The following INPP5A variants were observed in gnomAD, a reference collection of about 807,000 sequenced individuals.
The protein encoded by INPP5A is 43 kDa inositol polyphosphate 5-phophatase.
In INPP5A, 14 loss-of-function variants were observed where a neutral mutation model predicts 65.2. The ratio of observed to expected loss-of-function variants is 0.21; its 90% confidence interval spans 0.14 to 0.34. The LOEUF is 0.34. INPP5A is among the 10% of genes least tolerant of loss of function. The pLI is 1.00. For missense variants in INPP5A, 431 were observed against 545.6 expected (o/e 0.79, Z 2.09); for synonymous variants, 207 against 208.3 (o/e 0.99, Z 0.05).
chr10:132,541,712 G>A (rs1385645191), intron 1 of INPP5A, among the ~76,000 whole-genome samples: 1 of 152,246 alleles, frequency 6.6e-6, no homozygotes, highest in East Asian at 1.9e-4. Flanking sequence ...AGGAGACAGT[G>A]AGAATGGAAA....
At chr10:132,720,242 C>T (rs1403472558) in intron 8 of INPP5A, among the ~76,000 whole-genome samples, 1 of 150,284 alleles carries the variant, frequency 6.7e-6, no homozygotes, top group African/African-American at 2.5e-5. Context: ...CCTTAGACGG[C>T]TGTCTTGCGG....
chr10:132,672,452 CATG>C (rs1261205033), intron 4 of INPP5A, among the ~76,000 whole-genome samples: 1 of 152,132 alleles, frequency 6.6e-6, no homozygotes, highest in Non-Finnish European at 1.5e-5. Flanking sequence ...ATGGTGTTCT[CATG>C]GTGGTGGGTG....
chr10:132,625,656 C>G (rs983803087), intron 2 of INPP5A, among the ~76,000 whole-genome samples: 2 of 152,164 alleles, frequency 1.3e-5, no homozygotes, highest in African/African-American at 4.8e-5. Flanking sequence ...CTGGCCAGTC[C>G]TGAGGCTTCC....
intron 1 of INPP5A, among the ~76,000 whole-genome samples, chr10:132,553,088 G>C: frequency 7.1e-6 from 1 of 141,316 alleles, no homozygotes; most frequent in Non-Finnish European, 1.5e-5. Context: ...AGGGAGGGAG[G>C]ACTGGTGAAC....
Position 132,697,745 on chromosome 10 carries a change from G to C in INPP5A, c.371-71G>C. ...ATCGGGCTGAAGTCGGGTGGAAACA[G>C]GTTGTGCTCCAGGCTGGTTGGATGG... On this transcript the variant is annotated intron_variant, in intron 5 of 15. Transcript: ENST00000368594. This position sits in a 1 kb window ranked among gnomAD's most constrained non-coding sequence, Gnocchi z 5.6. 1 of 1,078,680 alleles carries C rather than the reference G, an allele frequency of 9.3e-7. No individual in the cohort carries two copies. Among genetic ancestry groups the C allele is most frequent in the East Asian group, 2.5e-5 (1 of 40,320 alleles). 66.8% of individuals were successfully genotyped at this position (1,078,680 alleles called of 1,614,324 possible).
At chr10:132,778,302 ATT>A (rs57172206) in intron 13 of INPP5A, among the ~76,000 whole-genome samples, 53 of 72,960 alleles carry the variant, frequency 7.3e-4, no homozygotes, top group African/African-American at 2.1e-3. Context: ...TTTAATAATA[ATT>A]TTTTTTTTTT....
chr10:132,659,473 G>T lies in INPP5A; in HGVS notation c.306+8968G>T, dbSNP rs552299568. Among the ~76,000 whole-genome samples, 2 of 152,190 alleles carry T rather than the reference G, an allele frequency of 1.3e-5. No homozygotes were observed. Among genetic ancestry groups the T allele is most frequent in the African/African-American group, 4.8e-5 (2 of 41,438 alleles). ...CATCCACGGACGCGGGTCTGGAGGC[G>T]CTGCTGTCTAAGCTGAGGCTTTTGA... is the stretch of plus-strand genomic sequence containing the variant. On this transcript the variant is annotated intron_variant, in intron 4 of 15. Transcript: ENST00000368594. This position sits in a 1 kb window ranked among gnomAD's most constrained non-coding sequence, Gnocchi z 5.5.
intron 4 of INPP5A, among the ~76,000 whole-genome samples, chr10:132,680,766 G>A (rs2073032078): frequency 6.6e-6 from 1 of 152,254 alleles, no homozygotes; most frequent in Non-Finnish European, 1.5e-5. Context: ...CAGCCGGCCG[G>A]CCCTGTGCAA....
rs1430710136 is a variant in INPP5A, at chr10:132,782,658, T to TA, written c.*630dup. The TA allele has an allele frequency of 6.6e-6, 1 of 152,090 alleles. No homozygotes were observed. The highest frequency in any genetic ancestry group is 6.6e-5 in the Admixed American group (1 of 15,250). The allele number at this position is 152,090 out of a possible 1,614,324, so 9.4% of individuals were successfully genotyped here. A position where few individuals can be genotyped will look rare whatever the true frequency, so the allele number is the denominator to read the frequency against. On this transcript the variant is annotated 3_prime_UTR_variant, in exon 16 of 16. Transcript: ENST00000368594. This position sits in a 1 kb window ranked among gnomAD's most constrained non-coding sequence, Gnocchi z 4.4. The stretch of plus-strand genomic sequence containing the variant: ...ATAATTTATAAATCTTACCAAAACT[T>TA]ATGCTAAATATACTTTCCAGTATGA...
rs950980518 is a variant in INPP5A, at chr10:132,550,160, G to T, written c.75+11989G>T. Among the ~76,000 whole-genome samples the T allele has an allele frequency of 3.3e-5, 5 of 152,188 alleles. No individual in the cohort carries two copies. The highest frequency in any genetic ancestry group is 1.2e-4 in the African/African-American group (5 of 41,430). On this transcript the variant is annotated intron_variant, in intron 1 of 15. Coordinates refer to ENST00000368594, the MANE Select transcript of INPP5A (RefSeq NM_005539.5). This position sits in a 1 kb window ranked among gnomAD's most constrained non-coding sequence, Gnocchi z 4.2. ...TTACTAACCAGGCAGTAGAAGATGG[G>T]GTCAGTCTTGAGTTATTAGTATTTA... is the stretch of plus-strand genomic sequence containing the variant.
At chr10:132,687,718 C>G (rs1369126979) in intron 4 of INPP5A, among the ~76,000 whole-genome samples, 1 of 152,214 alleles carries the variant, frequency 6.6e-6, no homozygotes, top group East Asian at 1.9e-4. Context: ...AGGTCTGGCA[C>G]TCATGAGTGT....
At chr10:132,578,616 T>TGGAGGGGCTCTGTCAGGAGAGTGTGC (rs2071440403) in intron 1 of INPP5A, among the ~76,000 whole-genome samples, 3 of 100,262 alleles carry the variant, frequency 3.0e-5, no homozygotes, top group Non-Finnish European at 6.4e-5. Flanking sequence ...GGAGAGTGTG[T>TGGAGGGGCTCTGTCAGGAGAGTGTGC]GGGGCGTCTC....
chr10:132,692,605 C>T (rs1307543473), intron 5 of INPP5A, among the ~76,000 whole-genome samples: 1 of 152,224 alleles, frequency 6.6e-6, no homozygotes, highest in African/African-American at 2.4e-5. Context: ...ATAACAATTA[C>T]ATTGGACCTT....
In INPP5A at chr10:132,727,182, A is replaced by G. The variant is rs751172327; in HGVS notation, c.732+277A>G. On this transcript the variant is annotated intron_variant, in intron 9 of 15. Transcript: ENST00000368594. This position sits in a 1 kb window ranked among gnomAD's most constrained non-coding sequence, Gnocchi z 6.5. ...TGGCTTCCGCCGTCGGCACACAAGG[A>G]GCTGCTGGAGTGCCGTCACAGCGCC... 6 of 316,452 alleles carry G rather than the reference A, an allele frequency of 1.9e-5. No homozygotes were observed. Among genetic ancestry groups the G allele is most frequent in the Non-Finnish European group, 2.9e-5 (5 of 170,850 alleles). 19.6% of individuals were successfully genotyped at this position (316,452 alleles called of 1,614,324 possible).
rs374304169 is a variant in INPP5A, at chr10:132,634,357, G to GT, written c.118-11510dup. 1.8e-3 allele frequency among the ~76,000 whole-genome samples: 256 copies of GT among 145,642 alleles called. 3 individuals are homozygous for GT. Among genetic ancestry groups the GT allele is most frequent in the African/African-American group, 6.5e-3 (243 of 37,262 alleles). On this transcript the variant is annotated intron_variant, in intron 2 of 15. Coordinates refer to ENST00000368594, the MANE Select transcript of INPP5A (RefSeq NM_005539.5). Reference sequence around the variant, plus strand: ...CTTGGTGGGTGTGCCCCGGAGAGGCGTATCATCTCCCTTGGTGGGTGTGCC... The same window carrying GT: ...CTTGGTGGGTGTGCCCCGGAGAGGCGTTATCATCTCCCTTGGTGGGTGTGCC...
chr10:132,688,685 A>C (rs970766844), intron 4 of INPP5A, among the ~76,000 whole-genome samples: 3 of 150,224 alleles, frequency 2.0e-5, no homozygotes, highest in African/African-American at 7.4e-5. Context: ...GTGCGTGTGC[A>C]TGAGTGCATG....
intron 1 of INPP5A, among the ~76,000 whole-genome samples, chr10:132,588,506 T>C (rs974125563): frequency 3.3e-5 from 5 of 152,232 alleles, no homozygotes; most frequent in Non-Finnish European, 7.3e-5. Context: ...AAGAGGACTT[T>C]TCTCATGAAA....
chr10:132,754,869 G>A (rs1475546720), intron 11 of INPP5A, among the ~76,000 whole-genome samples: 1 of 152,250 alleles, frequency 6.6e-6, no homozygotes, highest in Non-Finnish European at 1.5e-5. Context: ...GTCAGCGTGT[G>A]TGCGTGGATA....
rs564920987 is a variant in INPP5A at position 132,733,370 on chromosome 10, G to A, written c.732+6465G>A. Among the ~76,000 whole-genome samples, 4 of 152,296 alleles carry A rather than the reference G, an allele frequency of 2.6e-5. No individual in the cohort carries two copies. In the South Asian group the frequency reaches 8.3e-4, roughly 32 times the overall value. ...TCCACTGAACACTAGCACAGAAAAC[G>A]TTTCTTTGAAAGCCCTACCTAAAAA... is the stretch of plus-strand genomic sequence containing the variant. On this transcript the variant is annotated intron_variant, in intron 9 of 15. Transcript: ENST00000368594.
Sources: allele counts gnomAD v4.1 joint callset (sites outside exome capture counted in the v4.1 genomes callset), GRCh38; gene constraint gnomAD v4.1.1; non-coding constraint Gnocchi (gnomAD v3.1); transcripts MANE v1.5; gene names NCBI Gene and HGNC (gene_info 2026-07-23, HGNC 2026-07-21).